The following SPATA13 variants were observed in gnomAD, a reference collection of about 807,000 sequenced individuals.
The protein encoded by SPATA13 is spermatogenesis-associated protein 13.
SPATA13 carries 50 observed loss-of-function variants against 104.0 expected under a neutral mutation model. The ratio of observed to expected loss-of-function variants is 0.48; its 90% CI spans 0.38 to 0.61. The LOEUF is 0.61. Among genes scored for constraint, SPATA13 ranks in the 20% least tolerant of loss-of-function variants. SPATA13 has a pLI of 0.00. For missense variants in SPATA13, 1,524 were observed against 1,690.6 expected, an observed-to-expected ratio of 0.90 and a Z score of 1.73; for synonymous variants, 606 against 667.5, an observed-to-expected ratio of 0.91 and a Z score of 1.42.
intron 3 of SPATA13, among the ~76,000 whole-genome samples, chr13:24,097,984 A>G (rs1238842867): frequency 6.6e-6 from 1 of 152,210 alleles, no homozygotes; most frequent in East Asian, 1.9e-4. Context: ...AAGGACCTCC[A>G]TGAGGTTCAG....
intron 3 of SPATA13, among the ~76,000 whole-genome samples, chr13:24,022,167 C>T (rs1207818950): frequency 1.3e-5 from 2 of 151,512 alleles, no homozygotes; most frequent in Non-Finnish European, 2.9e-5. Context: ...CTCAGCCTCC[C>T]GAGTAGCTGG....
chr13:24,261,366 C>A (rs1202991902), intron 4 of SPATA13, among the ~76,000 whole-genome samples: 1 of 152,164 alleles, frequency 6.6e-6, no homozygotes, highest in Non-Finnish European at 1.5e-5. Flanking sequence ...CCATTCCAGG[C>A]AGGTCAAGTC....
At chr13:24,234,722 G>A (rs1872480704) in intron 2 of SPATA13, among the ~76,000 whole-genome samples, 1 of 152,216 alleles carries the variant, frequency 6.6e-6, no homozygotes. Context: ...AATAGAGAGA[G>A]GGGCCCTGTG....
chr13:24,223,789 A>G lies in SPATA13; in HGVS notation c.860A>G (p.Gln287Arg). 1 of 1,551,840 alleles carries G rather than the reference A, an allele frequency of 6.4e-7. No individual in the cohort carries two copies. The highest frequency in any genetic ancestry group is 1.2e-5 in the South Asian group (1 of 84,070). ...LRTAHDARVP[Q>R]RTLSSSSTDS... Reference sequence around the variant, plus strand: ...ACGGCCCATGACGCACGGGTACCACAGAGGACCCTGAGCAGTTCCTCCACT... The same window carrying G: ...ACGGCCCATGACGCACGGGTACCACGGAGGACCCTGAGCAGTTCCTCCACT... Residue 287 changes from glutamine (Q) to arginine (R), a missense_variant, in exon 2 of 13, where the codon CAG becomes CGG. Transcript: ENST00000382108.
intron 3 of SPATA13, among the ~76,000 whole-genome samples, chr13:24,035,544 G>T (rs1185139790): frequency 6.6e-6 from 1 of 152,186 alleles, no homozygotes; most frequent in Non-Finnish European, 1.5e-5. Flanking sequence ...GGACAGGTTG[G>T]TTTTCTGGGT....
intron 3 of SPATA13, among the ~76,000 whole-genome samples, chr13:24,080,169 C>A (rs1304988913): frequency 1.3e-5 from 2 of 152,196 alleles, no homozygotes; most frequent in African/African-American, 4.8e-5. Context: ...CTTTTAACCC[C>A]AGTGTTCTTC....
At chr13:24,182,698 A>G (rs1367426588) in intron 1 of SPATA13, among the ~76,000 whole-genome samples, 1 of 152,204 alleles carries the variant, frequency 6.6e-6, no homozygotes, top group Non-Finnish European at 1.5e-5. Flanking sequence ...GGAGAGGACA[A>G]ACATCTAGAC....
intron 2 of SPATA13, among the ~76,000 whole-genome samples, chr13:24,225,543 G>C (rs1871886010): frequency 1.3e-5 from 2 of 152,170 alleles, no homozygotes; most frequent in South Asian, 4.1e-4. Context: ...CAAGCAGGGG[G>C]GCTTGTTTCT....
chr13:24,158,482 G>C (rs1035461639), upstream of SPATA13, among the ~76,000 whole-genome samples: 1 of 152,168 alleles, frequency 6.6e-6, no homozygotes, highest in Non-Finnish European at 1.5e-5. Flanking sequence ...GCGTCGGCTG[G>C]TGATGTACTC....
chr13:24,284,052 G>C, intron 4 of SPATA13, 83 bp from the exon 5 acceptor site: 1 of 1,445,556 alleles, frequency 6.9e-7, no homozygotes, highest in Non-Finnish European at 9.5e-7. Context: ...TCCCTTGGGA[G>C]TATGTTACCA....
intron 1 of SPATA13, among the ~76,000 whole-genome samples, chr13:23,983,045 G>C (rs1874974178): frequency 6.6e-6 from 1 of 152,242 alleles, no homozygotes; most frequent in African/African-American, 2.4e-5. Flanking sequence ...AAGTGAGATT[G>C]AGAAGGAAGA....
intron 3 of SPATA13, among the ~76,000 whole-genome samples, chr13:24,033,347 C>T (rs1296292675): frequency 6.6e-6 from 1 of 152,164 alleles, no homozygotes; most frequent in Non-Finnish European, 1.5e-5. Flanking sequence ...TCTGATAGGG[C>T]CAGAGGGGCT....
intron 4 of SPATA13, among the ~76,000 whole-genome samples, chr13:24,256,960 A>G (rs1454873620): frequency 6.6e-6 from 1 of 152,194 alleles, no homozygotes; most frequent in Non-Finnish European, 1.5e-5. Flanking sequence ...CTGGGGAATT[A>G]TCTTTGCCGC....
intron 11 of SPATA13, among the ~76,000 whole-genome samples, chr13:24,298,724 G>A (rs952070676): frequency 3.9e-5 from 6 of 152,206 alleles, no homozygotes; most frequent in Non-Finnish European, 8.8e-5. Context: ...CTAAAAACCA[G>A]GAGGTGCTTT....
At chr13:24,302,464 A>AG in intron 12 of SPATA13, 134 bp from the exon 13 acceptor site, 1 of 120,674 alleles carries the variant, frequency 8.3e-6, no homozygotes, top group South Asian at 2.1e-4. Flanking sequence ...TGTCTCAAAA[A>AG]AAAAAAAAAA....
In SPATA13 at chr13:24,086,430, C is replaced by G. The variant is rs146731615; in HGVS notation, c.-112+68729C>G. ...TGACAGCTGCGGTCGAAGAAGACAC[C>G]AGGGAGAGGGCTGCTCATAGGGAAA... On this transcript the variant is annotated intron_variant, in intron 3 of 14. Coordinates refer to the SPATA13 transcript ENST00000424834. Among the ~76,000 whole-genome samples the G allele has an allele frequency of 2.0e-4, 30 of 152,152 alleles. No homozygotes were observed. The East Asian group carries it at 5.8e-3, about 29-fold the overall frequency.
intron 4 of SPATA13, among the ~76,000 whole-genome samples, chr13:24,261,201 G>A (rs993618533): frequency 5.9e-5 from 9 of 152,208 alleles, no homozygotes; most frequent in East Asian, 1.9e-4. Context: ...CTGTTGCCTC[G>A]GAAAATGATA....
In SPATA13 at chr13:24,166,014, G is replaced by C. The variant is rs983763735; in HGVS notation, c.-112+5082G>C. Among the ~76,000 whole-genome samples the C allele has an allele frequency of 7.9e-5, 12 of 152,292 alleles. No individual in the cohort carries two copies. In the South Asian group the frequency reaches 1.0e-3, roughly 13 times the overall value. ...ATGTGCTCCACTTCCACCCTTCCTG[G>C]GGGGTGGAGTGCTCTTCTGTAACGT... On this transcript the variant is annotated intron_variant, in intron 1 of 12. Coordinates refer to ENST00000382108, the MANE Select transcript of SPATA13 (RefSeq NM_001166271.3).
chr13:24,257,794 C>G (rs1223263552), intron 4 of SPATA13, among the ~76,000 whole-genome samples: 4 of 152,050 alleles, frequency 2.6e-5, no homozygotes, highest in African/African-American at 9.7e-5. Flanking sequence ...CCACATTTTT[C>G]ATTAGGAAAC....
Sources: allele counts gnomAD v4.1 joint callset (sites outside exome capture counted in the v4.1 genomes callset), GRCh38; gene constraint gnomAD v4.1.1; transcripts MANE v1.5; gene names NCBI Gene and HGNC (gene_info 2026-07-23, HGNC 2026-07-21).